Variants in EHMT2 observed in about 807,000 individuals in gnomAD.
EHMT2 encodes histone-lysine N-methyltransferase EHMT2.
Under a neutral mutation model 143.3 loss-of-function variants are expected in EHMT2, and 59 were observed. That is an observed-to-expected ratio of 0.41 (90% CI 0.33 to 0.51). The LOEUF (loss-of-function observed/expected upper bound fraction) is 0.51. EHMT2 is among the 20% of genes least tolerant of loss of function. The pLI, the probability that EHMT2 is intolerant of heterozygous loss-of-function variation, is 0.18. For missense variants in EHMT2, 1,174 were observed against 1,645.9 expected (o/e 0.71, Z 4.96); for synonymous variants, 604 against 651.5 (o/e 0.93, Z 1.11).
At position 31,888,352 on chromosome 6, in the gene EHMT2, T is replaced by C; in HGVS notation, c.1509+11A>G. On this transcript the variant is annotated intron_variant, in intron 12 of 27. Transcript: ENST00000375537. This position sits in a 1 kb window ranked among gnomAD's most constrained non-coding sequence, Gnocchi z 7.4. ...AGGGCATGCTACCTGTCTGCCCCAC[T>C]GGTCACTCACCGCCGTGCAGAAGTA... is the stretch of plus-strand genomic sequence containing the variant. 6.2e-7 allele frequency: 1 copy of C among 1,612,326 alleles called. No homozygotes were observed. The highest frequency in any genetic ancestry group is 8.5e-7 in the Non-Finnish European group (1 of 1,179,630).
exon 16 of EHMT2, chr6:31,887,087 G>C: frequency 6.2e-7 from 1 of 1,607,554 alleles, no homozygotes; most frequent in Non-Finnish European, 8.5e-7. Flanking sequence ...TGGAAGTTGG[G>C]GTCCAGGTTG....
rs1216525291 is a variant in EHMT2 at position 31,888,885 on chromosome 6, T to C, written c.1216+84A>G. 3.4e-6 allele frequency: 5 copies of C among 1,488,642 alleles called. No homozygotes were observed. In the African/African-American group the frequency reaches 7.0e-5, roughly 21 times the overall value. The allele number at this position is 1,488,642 out of a possible 1,614,324, so 92.2% of individuals were successfully genotyped here. On this transcript the variant is annotated intron_variant, in intron 10 of 27. Transcript: ENST00000375537. This position sits in a 1 kb window ranked among gnomAD's most constrained non-coding sequence, Gnocchi z 7.4. ...AAAGCCTGGCCATGGACACCCCGGC[T>C]CTGGCGTGGTTCCCCTCCTTCCCTT... is the stretch of plus-strand genomic sequence containing the variant.
At chr6:31,885,412 T>C (rs1764702699) in intron 18 of EHMT2, 1 of 166,916 alleles carries the variant, frequency 6.0e-6, no homozygotes, top group Non-Finnish European at 1.3e-5. Context: ...GAGGCGGAGC[T>C]TGCAGTGAGC....
chr6:31,895,779 T>C (rs1766325710), intron 4 of EHMT2: 2 of 156,936 alleles, frequency 1.3e-5, no homozygotes, highest in Non-Finnish European at 2.8e-5. Flanking sequence ...GCCTCAGTTT[T>C]TTCCTTTAGG....
At position 31,888,314 on chromosome 6, in the gene EHMT2, C is replaced by G. The variant is rs368474169; in HGVS notation, c.1510-38G>C. The G allele has an allele frequency of 1.9e-6, 3 of 1,611,116 alleles. No homozygotes were observed. The highest frequency in any genetic ancestry group is 2.2e-5 in the East Asian group (1 of 44,874). ...AAACGACATGGTCAGGTTACTGGGGCCCCCTCTGCCACAGGGCATGCTACC... is the reference window on the plus strand; with the variant it reads ...AAACGACATGGTCAGGTTACTGGGGGCCCCTCTGCCACAGGGCATGCTACC... On this transcript the variant is annotated intron_variant, in intron 12 of 27. Transcript: ENST00000375537. This position sits in a 1 kb window ranked among gnomAD's most constrained non-coding sequence, Gnocchi z 7.4.
Position 31,888,456 on chromosome 6 carries a change from G to A in EHMT2, c.1416C>T (p.Ser472=). Residue 472 remains serine (S), a synonymous_variant, in exon 12 of 28, where the codon TCC becomes TCT. Coordinates refer to ENST00000375537, the Ensembl canonical transcript of EHMT2. This position sits in a 1 kb window ranked among gnomAD's most constrained non-coding sequence, Gnocchi z 7.4. Reference sequence around the variant, plus strand: ...AGAGCACCATCAGGGCCACACGGCTGGATGGCCTCATGGTCTCCCGCTTGA... The same window carrying A: ...AGAGCACCATCAGGGCCACACGGCTAGATGGCCTCATGGTCTCCCGCTTGA... 6.2e-7 allele frequency: 1 copy of A among 1,612,946 alleles called. No homozygotes were observed. The highest frequency in any genetic ancestry group is 8.5e-7 in the Non-Finnish European group (1 of 1,179,886).
exon 28 of EHMT2, chr6:31,879,800 A>T: frequency 2.0e-6 from 1 of 498,784 alleles, no homozygotes; most frequent in Non-Finnish European, 3.6e-6. Flanking sequence ...AAAAGGAACC[A>T]GTTGGCATAG....
chr6:31,894,066 C>T (rs1562513916), intron 4 of EHMT2, among the ~76,000 whole-genome samples: 2 of 152,138 alleles, frequency 1.3e-5, no homozygotes, highest in African/African-American at 4.8e-5. Flanking sequence ...CCTCTACCTC[C>T]CAGGTTCAAG....
chr6:31,880,042 G>A lies in EHMT2; in HGVS notation c.*42C>T, dbSNP rs998548379. On this transcript the variant is annotated 3_prime_UTR_variant, in exon 28 of 28. Transcript: ENST00000375537. The surrounding 1 kb of genome is among the most constrained non-coding windows in gnomAD (Gnocchi z 6.6). ...AGCTGGTGGCAGAGGAGGCGGCTGAGCTGTGGCCATCCATGCTGGGGAGAG... is the reference window on the plus strand; with the variant it reads ...AGCTGGTGGCAGAGGAGGCGGCTGAACTGTGGCCATCCATGCTGGGGAGAG... 1 of 1,593,356 alleles carries A rather than the reference G, an allele frequency of 6.3e-7. No individual in the cohort carries two copies. Among genetic ancestry groups the A allele is most frequent in the Non-Finnish European group, 8.6e-7 (1 of 1,167,136 alleles).
intron 18 of EHMT2, chr6:31,886,337 A>C (rs1764839818): frequency 7.3e-6 from 4 of 547,652 alleles, no homozygotes; most frequent in Non-Finnish European, 1.3e-5. Flanking sequence ...CCAAGAGTTA[A>C]TAAAAAGCCT....
Position 31,883,986 on chromosome 6 carries a change from A to C in EHMT2, c.2772-36T>G. Reference sequence around the variant, plus strand: ...CGGGAAGAAGGGGCTGGGAAGCTGGAAAAGGGGGTGAGGAGCTACTCCAGG... The same window carrying C: ...CGGGAAGAAGGGGCTGGGAAGCTGGCAAAGGGGGTGAGGAGCTACTCCAGG... On this transcript the variant is annotated intron_variant, in intron 21 of 27. Transcript: ENST00000375537. The surrounding 1 kb of genome is among the most constrained non-coding windows in gnomAD (Gnocchi z 5.6). 1 of 1,607,016 alleles carries C rather than the reference A, an allele frequency of 6.2e-7. No individual in the cohort carries two copies. Among genetic ancestry groups the C allele is most frequent in the South Asian group, 1.1e-5 (1 of 90,774 alleles).
chr6:31,891,546 G>A (rs1421821245), intron 7 of EHMT2, among the ~76,000 whole-genome samples: 1 of 152,220 alleles, frequency 6.6e-6, no homozygotes, highest in African/African-American at 2.4e-5. Context: ...AAGATGGACT[G>A]TGTACTGATA....
chr6:31,885,452 G>A (rs1764709082), intron 18 of EHMT2: 1 of 157,944 alleles, frequency 6.3e-6, no homozygotes, highest in Non-Finnish European at 1.4e-5. Context: ...TCCAGCCTGG[G>A]CGACAGAGCA....
Position 31,884,954 on chromosome 6 carries a change from G to C in EHMT2, c.2406C>G (p.Arg802=). Residue 802 remains arginine, a synonymous_variant, in exon 19 of 28, where the codon CGC becomes CGG. Transcript: ENST00000375537. The surrounding 1 kb of genome is among the most constrained non-coding windows in gnomAD (Gnocchi z 7.3). ...CGTCGGCGCCCCGCGTCAGTAGCAT[G>C]CGGATCACCTCGATGTGCTTGTGCT... is the stretch of plus-strand genomic sequence containing the variant. 1 of 1,610,952 alleles carries C rather than the reference G, an allele frequency of 6.2e-7. No homozygotes were observed. The highest frequency in any genetic ancestry group is 8.5e-7 in the Non-Finnish European group (1 of 1,177,826).
chr6:31,883,443 G>T lies in EHMT2; in HGVS notation c.2917-4C>A. 5.0e-6 allele frequency: 8 copies of T among 1,611,688 alleles called. No homozygotes were observed. The highest frequency in any genetic ancestry group is 1.3e-5 in the African/African-American group (1 of 74,994). ...AGTCGTCCACACACGTGCAGTGCTG[G>T]GGCGAGGAGGCAGAGGTCAGCTCAA... On this transcript the variant is annotated splice_polypyrimidine_tract_variant and splice_region_variant and intron_variant, in intron 22 of 27. Coordinates refer to ENST00000375537, the Ensembl canonical transcript of EHMT2. This position sits in a 1 kb window ranked among gnomAD's most constrained non-coding sequence, Gnocchi z 5.6.
At chr6:31,887,813 G>A in exon 14 of EHMT2, 1 of 1,605,964 alleles carries the variant, frequency 6.2e-7, no homozygotes, top group South Asian at 1.1e-5. Flanking sequence ...GCCTTTTCCA[G>A]GGCCTCCCGG....
chr6:31,889,507 T>C lies in EHMT2; in HGVS notation c.960A>G (p.Glu320=). ...TCCCTGACTCCTCATCTTCCTCTTC[T>C]TCTTCCTCTTCCTCCTCCTCTTCCT... The change falls in exon 8 of 28, where the codon GAA becomes GAG. Residue 320 remains glutamate (E), a synonymous_variant. Transcript: ENST00000375537. The surrounding 1 kb of genome is among the most constrained non-coding windows in gnomAD (Gnocchi z 5.1). 2 of 1,612,586 alleles carry C rather than the reference T, an allele frequency of 1.2e-6. No homozygotes were observed. Among genetic ancestry groups the C allele is most frequent in the Non-Finnish European group, 1.7e-6 (2 of 1,179,888 alleles).
Position 31,884,690 on chromosome 6 carries a change from G to A in EHMT2, c.2558C>T (p.Thr853Ile). ...CTCCCGAGCTGCGATGTGCAGGGGGGTGTCCCCATGGTAGTTGACAGCATG... is the reference window on the plus strand; with the variant it reads ...CTCCCGAGCTGCGATGTGCAGGGGGATGTCCCCATGGTAGTTGACAGCATG... The change falls in exon 20 of 28, where the codon ACC (threonine) becomes ATC (isoleucine). Residue 853 changes from threonine (T) to isoleucine (I), a missense_variant. Thr to Ile is a moderately conservative substitution (Grantham distance 89). Around this residue, in one of 6 missense-constraint regions of EHMT2, gnomAD observed 608 missense variants for 903.7 expected, o/e 0.67. Transcript: ENST00000375537. The surrounding 1 kb of genome is among the most constrained non-coding windows in gnomAD (Gnocchi z 7.3). 6.3e-7 allele frequency: 1 copy of A among 1,585,882 alleles called. No individual in the cohort carries two copies. Among genetic ancestry groups the A allele is most frequent in the Non-Finnish European group, 8.6e-7 (1 of 1,162,962 alleles).
Position 31,888,530 on chromosome 6 carries a change from GAA to G in EHMT2, c.1366-26_1366-25del. Reference sequence around the variant, plus strand: ...AGCTGTGCGCAGTGAGGATGGGTGAGAAGAGAGCGTGAGGCTGGGGCCGGGGA... The same window carrying G: ...AGCTGTGCGCAGTGAGGATGGGTGAGGAGAGCGTGAGGCTGGGGCCGGGGA... On this transcript the variant is annotated intron_variant, in intron 11 of 27. Coordinates refer to ENST00000375537, the Ensembl canonical transcript of EHMT2. The surrounding 1 kb of genome is among the most constrained non-coding windows in gnomAD (Gnocchi z 7.4). 1 of 1,610,868 alleles carries G rather than the reference GAA, an allele frequency of 6.2e-7. No individual in the cohort carries two copies.
Sources: allele counts gnomAD v4.1 joint callset (sites outside exome capture counted in the v4.1 genomes callset), GRCh38; gene constraint gnomAD v4.1.1; regional missense constraint gnomAD v4.1.1; non-coding constraint Gnocchi (gnomAD v3.1); transcripts MANE v1.5; gene names NCBI Gene and HGNC (gene_info 2026-07-23, HGNC 2026-07-21).